Variants in FOXN3 observed in about 807,000 individuals in gnomAD.
FOXN3 encodes the protein forkhead box N3.
A neutral mutation model predicts 38.4 loss-of-function variants in FOXN3; 7 were observed. The ratio of observed to expected loss-of-function variants is 0.18; its 90% CI spans 0.10 to 0.34. The LOEUF is 0.34. FOXN3 is among the 10% of genes least tolerant of loss of function. The pLI, the probability that FOXN3 is intolerant of heterozygous loss-of-function variation, is 1.00. For missense variants in FOXN3, 456 were observed against 613.4 expected (o/e 0.74, Z 2.71); for synonymous variants, 230 against 242.2 (o/e 0.95, Z 0.47).
Position 89,511,222 on chromosome 14 carries a change from TCTTTC to T in FOXN3, c.-14-98737_-14-98733del, listed in dbSNP as rs1279222156. ...TCTTTCTTTTCTTTCTTTCTTTCTT[TCTTTC>T]TTTTCTTTCCTTTTCTTTCTTTTCT... On this transcript the variant is annotated intron_variant, in intron 1 of 6. Transcript: ENST00000345097. Among the ~76,000 whole-genome samples, 2 of 30,904 alleles carry T rather than the reference TCTTTC, an allele frequency of 6.5e-5. 1 individual carries two copies. The highest frequency in any genetic ancestry group is 3.1e-4 in the Non-Finnish European group (2 of 6,384). The allele number at this position is 30,904 out of a possible 152,430, so 20.3% of individuals were successfully genotyped here. A position where few individuals can be genotyped will look rare whatever the true frequency, so the allele number is the denominator to read the frequency against.
intron 4 of FOXN3, among the ~76,000 whole-genome samples, chr14:89,235,924 G>A (rs56193043): frequency 0.18 from 27,168 of 148,550 alleles, 2,467 homozygotes; most frequent in East Asian, 0.3. Context: ...GTTGTTTGAA[G>A]CCACTAGGTT....
intron 4 of FOXN3, among the ~76,000 whole-genome samples, chr14:89,195,650 G>T (rs1384552538): frequency 1.3e-5 from 2 of 152,136 alleles, no homozygotes; most frequent in Non-Finnish European, 2.9e-5. Flanking sequence ...TCCCTAGATG[G>T]TCCAACCCAG....
rs530093785 is a variant in FOXN3, at chr14:89,584,874, G to A, written c.-15+34154C>T. Among the ~76,000 whole-genome samples, 27 of 152,078 alleles carry A rather than the reference G, an allele frequency of 1.8e-4. No homozygotes were observed. In the South Asian group the frequency reaches 1.9e-3, roughly 11 times the overall value. The stretch of plus-strand genomic sequence containing the variant: ...ATTACAGGCACCTGCCATCATGTCC[G>A]GCTAATTTCTGTATTTTTGTAGAGA... On this transcript the variant is annotated intron_variant, in intron 1 of 6. Coordinates refer to the FOXN3 transcript ENST00000345097.
At chr14:89,308,363 A>G (rs1238362189) in intron 3 of FOXN3, among the ~76,000 whole-genome samples, 1 of 152,226 alleles carries the variant, frequency 6.6e-6, no homozygotes, top group Non-Finnish European at 1.5e-5. Flanking sequence ...TCCTAAAATG[A>G]GCTCGAATCT....
intron 2 of FOXN3, among the ~76,000 whole-genome samples, chr14:89,394,128 G>A (rs78702696): frequency 0.021 from 3,252 of 151,378 alleles, 131 homozygotes; most frequent in African/African-American, 0.074. Flanking sequence ...GGCATTTATC[G>A]ATCCATGAAG....
intron 1 of FOXN3, among the ~76,000 whole-genome samples, chr14:89,608,237 C>A (rs1896315245): frequency 6.6e-6 from 1 of 152,296 alleles, no homozygotes; most frequent in African/African-American, 2.4e-5. Context: ...ACCTCGTGAT[C>A]TGCCCACCTC....
At chr14:89,215,329 A>G (rs1284303505) in intron 4 of FOXN3, among the ~76,000 whole-genome samples, 1 of 143,256 alleles carries the variant, frequency 7.0e-6, no homozygotes, top group African/African-American at 2.7e-5. Context: ...TCATTTCTTC[A>G]GAGTTAGGAG....
At chr14:89,360,789 A>AGCACCACCT (rs1566966498) in intron 2 of FOXN3, among the ~76,000 whole-genome samples, 2 of 60,946 alleles carry the variant, frequency 3.3e-5, no homozygotes, top group Non-Finnish European at 6.3e-5. Context: ...CACCACCTCC[A>AGCACCACCT]CCACCACCAC....
At chr14:89,553,610 C>CT (rs1895055173) in intron 1 of FOXN3, among the ~76,000 whole-genome samples, 1 of 152,128 alleles carries the variant, frequency 6.6e-6, no homozygotes, top group African/African-American at 2.4e-5. Flanking sequence ...CCTTGAACAG[C>CT]TATGTAATTA....
At chr14:89,368,520 C>T (rs1890221297) in intron 2 of FOXN3, among the ~76,000 whole-genome samples, 1 of 152,120 alleles carries the variant, frequency 6.6e-6, no homozygotes, top group African/African-American at 2.4e-5. Flanking sequence ...TGGTACACGC[C>T]TGTAGTCCCA....
intron 1 of FOXN3, among the ~76,000 whole-genome samples, chr14:89,509,814 G>T (rs1419625376): frequency 6.6e-6 from 1 of 152,238 alleles, no homozygotes; most frequent in East Asian, 1.9e-4. Context: ...GGACACCAAT[G>T]AATTGTTTGC....
At chr14:89,190,534 G>T (rs988614539) in intron 4 of FOXN3, 1 of 1,100,458 alleles carries the variant, frequency 9.1e-7, no homozygotes, top group Non-Finnish European at 1.3e-6. Context: ...TACAGTTTAT[G>T]AATGCAACAG....
chr14:89,243,397 G>A (rs1250080307), intron 4 of FOXN3, among the ~76,000 whole-genome samples: 3 of 152,138 alleles, frequency 2.0e-5, no homozygotes, highest in Non-Finnish European at 2.9e-5. Context: ...CATTCAGGAT[G>A]CGCCTGCCCG....
At chr14:89,290,364 C>A in intron 3 of FOXN3, 1 of 379,550 alleles carries the variant, frequency 2.6e-6, no homozygotes, top group Non-Finnish European at 5.2e-6. Flanking sequence ...TGTGTGGCAA[C>A]CTTCTGTCTT....
At chr14:89,414,036 C>G (rs1218667991) in intron 1 of FOXN3, among the ~76,000 whole-genome samples, 1 of 151,640 alleles carries the variant, frequency 6.6e-6, no homozygotes, top group African/African-American at 2.4e-5. Context: ...AGACATAGGC[C>G]AGGCATGGTA....
chr14:89,522,106 G>A (rs923797462), intron 1 of FOXN3, among the ~76,000 whole-genome samples: 1 of 151,608 alleles, frequency 6.6e-6, no homozygotes. Context: ...TCAGAAGTCA[G>A]TAGAGCTGTA....
At chr14:89,268,336 A>G (rs1284796325) in intron 4 of FOXN3, among the ~76,000 whole-genome samples, 2 of 152,178 alleles carry the variant, frequency 1.3e-5, no homozygotes, top group Non-Finnish European at 2.9e-5. Context: ...CTCACCTTCT[A>G]TTCTCTCAAG....
intron 2 of FOXN3, chr14:89,400,209 T>G (rs1008634350): frequency 1.5e-4 from 23 of 152,180 alleles, no homozygotes; most frequent in African/African-American, 5.3e-4. Flanking sequence ...TGTTCTTATT[T>G]CCCATGCTGA....
intron 2 of FOXN3, among the ~76,000 whole-genome samples, chr14:89,394,103 C>T (rs1891036109): frequency 6.6e-6 from 1 of 152,016 alleles, no homozygotes; most frequent in Non-Finnish European, 1.5e-5. Context: ...ATAAGGAACC[C>T]ACTCCCACAA....
Sources: allele counts gnomAD v4.1 joint callset (sites outside exome capture counted in the v4.1 genomes callset), GRCh38; gene constraint gnomAD v4.1.1; transcripts MANE v1.5; gene names NCBI Gene and HGNC (gene_info 2026-07-23, HGNC 2026-07-21).